Variants in DOCK8 observed in about 807,000 individuals in gnomAD.
DOCK8 encodes dedicator of cytokinesis protein 8.
A neutral mutation model predicts 245.6 loss-of-function variants in DOCK8; 141 were observed. That is an observed-to-expected ratio of 0.57 (90% CI 0.50 to 0.66). The LOEUF is 0.66. Ranked by LOEUF, DOCK8 falls within the 30% of genes least tolerant of loss-of-function variation. DOCK8 has a pLI of 0.00. For missense variants in DOCK8, 2,965 were observed against 2,603.4 expected (o/e 1.14, Z -3.02); for synonymous variants, 1,168 against 970.2 (o/e 1.20, Z -3.79).
At position 420,472 on chromosome 9, in the gene DOCK8, GA is replaced by G; in HGVS notation, c.3917del (p.Asn1306MetfsTer23). ...NLMICFLWIM[K>X]NADQSLIRKW... ...TCATGATCTGCTTCCTCTGGATCAT[GA>G]AAAATGCTGATCAGAGCCTCATTAG... On this transcript the variant is annotated frameshift_variant, in exon 31 of 48. Coordinates refer to ENST00000432829, the MANE Select transcript of DOCK8 (RefSeq NM_203447.4). LOFTEE classifies it high-confidence loss of function. 2 of 1,614,112 alleles carry G rather than the reference GA, an allele frequency of 1.2e-6. No homozygotes were observed. Among genetic ancestry groups the G allele is most frequent in the Non-Finnish European group, 1.7e-6 (2 of 1,180,034 alleles).
At chr9:418,251 C>T in intron 30 of DOCK8, 44 bp downstream of exon 30, 1 of 1,610,112 alleles carries the variant, frequency 6.2e-7, no homozygotes, top group Non-Finnish European at 8.5e-7. Context: ...CATTTCATGT[C>T]TTCTGTCTTC....
intron 24 of DOCK8, among the ~76,000 whole-genome samples, chr9:393,418 G>A (rs959626010): frequency 3.3e-5 from 5 of 152,180 alleles, no homozygotes; most frequent in South Asian, 2.1e-4. Flanking sequence ...GCATTTTAAA[G>A]CATCATCTAA....
At chr9:231,441 C>T (rs138988516) in intron 1 of DOCK8, among the ~76,000 whole-genome samples, 8 of 152,068 alleles carry the variant, frequency 5.3e-5, no homozygotes, top group African/African-American at 1.7e-4. Context: ...CTGTGAAGAA[C>T]GTCATTGGTA....
intron 1 of DOCK8, among the ~76,000 whole-genome samples, chr9:260,296 A>T (rs1181505104): frequency 6.6e-6 from 1 of 152,214 alleles, no homozygotes. Context: ...TACCCTGTAA[A>T]CAAAGGGATT....
chr9:271,180 C>T (rs2048154972), intron 1 of DOCK8, among the ~76,000 whole-genome samples: 1 of 152,196 alleles, frequency 6.6e-6, no homozygotes. Flanking sequence ...CTCTGGTGTT[C>T]TCTGTTGTAG....
At chr9:400,281 TTC>T (rs2054814965) in intron 26 of DOCK8, among the ~76,000 whole-genome samples, 5 of 5,946 alleles carry the variant, frequency 8.4e-4, no homozygotes, top group African/African-American at 8.0e-3. Context: ...TCACCACCAC[TTC>T]CTTCACCACC....
At chr9:392,682 C>T (rs16937757) in intron 24 of DOCK8, among the ~76,000 whole-genome samples, 14,027 of 151,890 alleles carry the variant, frequency 0.092, 1,838 homozygotes, top group African/African-American at 0.3. Context: ...TTCCAAAAGC[C>T]GAGCTAATTA....
intron 46 of DOCK8, among the ~76,000 whole-genome samples, chr9:459,427 C>G (rs1329378): frequency 0.033 from 4,965 of 152,208 alleles, 114 homozygotes; most frequent in Middle Eastern, 0.058. Flanking sequence ...ATATGTTTTT[C>G]TTTATAAAAC....
intron 6 of DOCK8, among the ~76,000 whole-genome samples, chr9:316,659 C>G (rs1440961211): frequency 6.6e-6 from 1 of 152,132 alleles, no homozygotes; most frequent in Non-Finnish European, 1.5e-5. Context: ...ACTAGTAAAG[C>G]CCTTGACAGG....
At chr9:289,609 A>G (rs370077383) in intron 4 of DOCK8, 28 bp downstream of exon 4, 33 of 1,565,208 alleles carry the variant, frequency 2.1e-5, no homozygotes, top group Admixed American at 1.0e-4. Context: ...CACTTTTTGT[A>G]TATAAATATT....
rs201642032 is a variant in DOCK8 at position 449,983 on chromosome 9, ATAC to A, written c.5961+57_5961+59del. 2,820 of 1,590,792 alleles carry A rather than the reference ATAC, an allele frequency of 1.8e-3. 54 individuals carry two copies. In the African/African-American group the frequency reaches 0.033, roughly 18 times the overall value. ...GGTTCTTATTATTTAGGTTGTCATT[ATAC>A]GTCTGCACCCTTCTTCCTTGGGGTT... is the stretch of plus-strand genomic sequence containing the variant. On this transcript the variant is annotated intron_variant, in intron 45 of 47. Transcript: ENST00000432829.
At chr9:296,357 T>TGGA (rs935644893) in intron 4 of DOCK8, among the ~76,000 whole-genome samples, 3 of 152,234 alleles carry the variant, frequency 2.0e-5, no homozygotes, top group African/African-American at 7.2e-5. Flanking sequence ...TGATGCCTGG[T>TGGA]GGAGAGCTGA....
intron 6 of DOCK8, 95 bp from the exon 7 acceptor site, chr9:316,948 G>A: frequency 1.0e-6 from 1 of 969,564 alleles, no homozygotes; most frequent in Admixed American, 1.8e-5. Context: ...GTTAACTTGA[G>A]CCGTGGAGGG....
chr9:403,951 T>TAC (rs1564021584), intron 26 of DOCK8, among the ~76,000 whole-genome samples: 10 of 90,950 alleles, frequency 1.1e-4, no homozygotes, highest in African/African-American at 6.2e-4. Context: ...TATGTGTATA[T>TAC]ATATATATGT....
chr9:302,694 A>G (rs1336321983), intron 4 of DOCK8, among the ~76,000 whole-genome samples: 2 of 152,252 alleles, frequency 1.3e-5, no homozygotes, highest in Non-Finnish European at 2.9e-5. Flanking sequence ...AAGGACATGA[A>G]CAGATACTTC....
intron 14 of DOCK8, among the ~76,000 whole-genome samples, chr9:359,994 C>A (rs1350339335): frequency 6.6e-6 from 1 of 152,050 alleles, no homozygotes; most frequent in Non-Finnish European, 1.5e-5. Flanking sequence ...ACTATCAAAA[C>A]AACACTTGTG....
chr9:387,443 A>C (rs1482158288), intron 23 of DOCK8, among the ~76,000 whole-genome samples: 2 of 138,946 alleles, frequency 1.4e-5, no homozygotes, highest in Non-Finnish European at 3.1e-5. Flanking sequence ...ACTCCATTTC[A>C]AAAAAAAAAA....
At chr9:385,210 TA>T (rs2053900183) in intron 22 of DOCK8, among the ~76,000 whole-genome samples, 1 of 152,198 alleles carries the variant, frequency 6.6e-6, no homozygotes, top group Admixed American at 6.5e-5. Flanking sequence ...TGCAATGTGG[TA>T]TGCTAGATTG....
chr9:222,295 G>C lies in DOCK8; in HGVS notation c.53+7266G>C, dbSNP rs187633223. Among the ~76,000 whole-genome samples the C allele has an allele frequency of 3.3e-5, 5 of 152,076 alleles. 1 individual carries two copies. The highest frequency in any genetic ancestry group is 4.8e-5 in the African/African-American group (2 of 41,486). ...AAACACAAAAAACCAAAAGAGATAGGTTCTGACTTTTCACAATAGTGTATA... is the reference window on the plus strand; with the variant it reads ...AAACACAAAAAACCAAAAGAGATAGCTTCTGACTTTTCACAATAGTGTATA... On this transcript the variant is annotated intron_variant, in intron 1 of 47. Transcript: ENST00000432829.
Sources: allele counts gnomAD v4.1 joint callset (sites outside exome capture counted in the v4.1 genomes callset), GRCh38; gene constraint gnomAD v4.1.1; transcripts MANE v1.5; gene names NCBI Gene and HGNC (gene_info 2026-07-23, HGNC 2026-07-21).